NGEF: variants seen among roughly 807,000 people sequenced by gnomAD.
The protein encoded by NGEF is neuronal guanine nucleotide exchange factor, also known as ephexin-1.
A neutral mutation model predicts 80.9 loss-of-function variants in NGEF; 31 were observed. The observed-to-expected ratio is 0.38, with a 90% confidence interval of 0.29 to 0.52. NGEF has a LOEUF of 0.52. NGEF is among the 20% of genes least tolerant of loss of function. The pLI, the probability that NGEF is intolerant of heterozygous loss-of-function variation, is 0.84. For synonymous variants in NGEF, 371 were observed against 370.2 expected, an observed-to-expected ratio of 1.00 and a Z score of -0.03; for missense variants, 709 against 926.2, an observed-to-expected ratio of 0.77 and a Z score of 3.04.
At chr2:232,963,808 A>G (rs750734777) in intron 3 of NGEF, among the ~76,000 whole-genome samples, 1 of 152,082 alleles carries the variant, frequency 6.6e-6, no homozygotes, top group African/African-American at 2.4e-5. Context: ...GAGAGACTCC[A>G]TCTCAAAAAA....
At chr2:232,970,061 G>T in intron 3 of NGEF, 153 bp downstream of exon 3, 2 of 415,284 alleles carry the variant, frequency 4.8e-6, no homozygotes, top group South Asian at 1.1e-4. Context: ...AAATTATGGA[G>T]TTTTTATTTA....
intron 5 of NGEF, among the ~76,000 whole-genome samples, chr2:232,907,134 C>A (rs6720568): frequency 0.013 from 1,675 of 128,776 alleles, 40 homozygotes; most frequent in African/African-American, 0.047. Context: ...TCCCCCTCTG[C>A]GAGAAACACC....
At chr2:232,907,174 G>GAAAAAAAAA (rs1559204407) in intron 5 of NGEF, among the ~76,000 whole-genome samples, 1 of 33,060 alleles carries the variant, frequency 3.0e-5, no homozygotes, top group East Asian at 8.8e-4. Flanking sequence ...AAAAAAAAAA[G>GAAAAAAAAA]AAAAGAAAAA....
Position 232,897,600 on chromosome 2 carries a change from G to A in NGEF, c.829-2684C>T, listed in dbSNP as rs561199993. Among the ~76,000 whole-genome samples, 4 of 152,284 alleles carry A rather than the reference G, an allele frequency of 2.6e-5. No individual in the cohort carries two copies. The East Asian group carries it at 7.7e-4, about 29-fold the overall frequency. Reference sequence around the variant, plus strand: ...CACTCTAAAATAAGGGACGAATCTGGAAGCTGGGAACACCCCACAGAGAGT... The same window carrying A: ...CACTCTAAAATAAGGGACGAATCTGAAAGCTGGGAACACCCCACAGAGAGT... On this transcript the variant is annotated intron_variant, in intron 5 of 14. Coordinates refer to ENST00000264051, the MANE Select transcript of NGEF (RefSeq NM_019850.3).
chr2:232,962,383 A>C lies in NGEF; in HGVS notation c.383+7831T>G, dbSNP rs192709507. Among the ~76,000 whole-genome samples, 42 of 150,860 alleles carry C rather than the reference A, an allele frequency of 2.8e-4. 1 individual carries two copies. Among genetic ancestry groups the C allele is most frequent in the Middle Eastern group, 3.4e-3 (1 of 292 alleles). On this transcript the variant is annotated intron_variant, in intron 3 of 14. Transcript: ENST00000264051. The stretch of plus-strand genomic sequence containing the variant: ...GAAACCCTGTCTCTACTAAAAATAC[A>C]ACAACAACAACAAAAATTAGCCAGG...
At chr2:232,949,927 T>C (rs1343239033) in intron 3 of NGEF, among the ~76,000 whole-genome samples, 4 of 152,002 alleles carry the variant, frequency 2.6e-5, no homozygotes, top group Non-Finnish European at 5.9e-5. Context: ...TTCTCCTGTC[T>C]CTGCCTCCCG....
Position 232,892,888 on chromosome 2 carries a change from A to AT in NGEF, c.1142+9dup, listed in dbSNP as rs762941030. ...CCCCTGCCCCTGAGCCCCTTGCCGG[A>AT]TACACTCACAGCAGCTGCTTATAGG... On this transcript the variant is annotated intron_variant, in intron 7 of 14. Transcript: ENST00000264051. This position sits in a 1 kb window ranked among gnomAD's most constrained non-coding sequence, Gnocchi z 4.0. 6.2e-7 allele frequency: 1 copy of AT among 1,611,596 alleles called. No individual in the cohort carries two copies. The highest frequency in any genetic ancestry group is 1.1e-5 in the South Asian group (1 of 90,970).
At chr2:233,005,560 CA>C (rs1695068165) in intron 1 of NGEF, among the ~76,000 whole-genome samples, 1 of 150,766 alleles carries the variant, frequency 6.6e-6, no homozygotes, top group Non-Finnish European at 1.5e-5. Context: ...AGTATATTCA[CA>C]AGGCTCCTTA....
Position 232,952,403 on chromosome 2 carries a change from C to T in NGEF, c.383+17811G>A, listed in dbSNP as rs573466801. Reference sequence around the variant, plus strand: ...GGATAATACTTAGGAAGTTGAGGAACTTTTTGGCTCATTGCCATTCACTTC... The same window carrying T: ...GGATAATACTTAGGAAGTTGAGGAATTTTTTGGCTCATTGCCATTCACTTC... On this transcript the variant is annotated intron_variant, in intron 3 of 14. Coordinates refer to ENST00000264051, the MANE Select transcript of NGEF (RefSeq NM_019850.3). Among the ~76,000 whole-genome samples the T allele has an allele frequency of 3.3e-5, 5 of 152,306 alleles. No individual in the cohort carries two copies. In the South Asian group the frequency reaches 8.3e-4, roughly 25 times the overall value.
chr2:232,932,803 T>G (rs1001923917), intron 3 of NGEF, among the ~76,000 whole-genome samples: 4 of 152,014 alleles, frequency 2.6e-5, no homozygotes, highest in Non-Finnish European at 1.5e-5. Flanking sequence ...CTCTGAGATC[T>G]CTTTTAAAGG....
intron 1 of NGEF, among the ~76,000 whole-genome samples, chr2:233,011,840 T>C (rs1194352663): frequency 6.6e-6 from 1 of 152,140 alleles, no homozygotes; most frequent in Non-Finnish European, 1.5e-5. Context: ...ACACTGTCAT[T>C]GGATCAACCC....
chr2:232,899,968 A>T (rs1692245196), intron 5 of NGEF, among the ~76,000 whole-genome samples: 2 of 124,632 alleles, frequency 1.6e-5, no homozygotes, highest in African/African-American at 6.6e-5. Context: ...ACAGTCACTC[A>T]TATACACATT....
Position 232,892,828 on chromosome 2 carries a change from T to C in NGEF, c.1142+70A>G, listed in dbSNP as rs1691924972. 2 of 1,514,744 alleles carry C rather than the reference T, an allele frequency of 1.3e-6. No individual in the cohort carries two copies. Among genetic ancestry groups the C allele is most frequent in the Admixed American group, 3.5e-5 (2 of 56,564 alleles). 93.8% of individuals were successfully genotyped at this position (1,514,744 alleles called of 1,614,324 possible). ...ATGAAGTGTCACCGTGTAAGGAGCC[T>C]GGGCCAGCACTGGTATGGCTGCCCC... On this transcript the variant is annotated intron_variant, in intron 7 of 14. Coordinates refer to ENST00000264051, the MANE Select transcript of NGEF (RefSeq NM_019850.3). The surrounding 1 kb of genome is among the most constrained non-coding windows in gnomAD (Gnocchi z 4.0).
At chr2:232,990,833 C>A (rs1471249060) in intron 1 of NGEF, among the ~76,000 whole-genome samples, 3 of 151,960 alleles carry the variant, frequency 2.0e-5, no homozygotes, top group African/African-American at 7.2e-5. Flanking sequence ...ATGTCCTCAA[C>A]AAAATACTAC....
chr2:232,957,834 C>G (rs530809118), intron 3 of NGEF, among the ~76,000 whole-genome samples: 8 of 152,300 alleles, frequency 5.3e-5, no homozygotes, highest in African/African-American at 1.9e-4. Flanking sequence ...GCCCAGTCAT[C>G]TCTCCATGGA....
intron 3 of NGEF, among the ~76,000 whole-genome samples, chr2:232,933,671 C>T (rs1334116264): frequency 1.3e-5 from 2 of 152,214 alleles, no homozygotes; most frequent in African/African-American, 4.8e-5. Flanking sequence ...GCACTGGCCT[C>T]CCCAGCTCTC....
At chr2:232,948,505 A>C (rs1436744575) in intron 3 of NGEF, among the ~76,000 whole-genome samples, 1 of 152,160 alleles carries the variant, frequency 6.6e-6, no homozygotes, top group African/African-American at 2.4e-5. Context: ...AGTTTCACAC[A>C]GTTTAGGGGA....
At chr2:232,917,869 G>A (rs1692843683) in intron 5 of NGEF, among the ~76,000 whole-genome samples, 1 of 152,152 alleles carries the variant, frequency 6.6e-6, no homozygotes, top group Non-Finnish European at 1.5e-5. Flanking sequence ...CACCTCCTGG[G>A]TTCAAATGAT....
chr2:232,882,902 G>T (rs2106212064), intron 12 of NGEF, among the ~76,000 whole-genome samples: 1 of 152,334 alleles, frequency 6.6e-6, no homozygotes, highest in Non-Finnish European at 1.5e-5. Flanking sequence ...GGTCCCAGCT[G>T]CTCAGAGAGG....
Sources: allele counts gnomAD v4.1 joint callset (sites outside exome capture counted in the v4.1 genomes callset), GRCh38; gene constraint gnomAD v4.1.1; non-coding constraint Gnocchi (gnomAD v3.1); transcripts MANE v1.5; gene names NCBI Gene and HGNC (gene_info 2026-07-23, HGNC 2026-07-21).